The following CCDC91 variants were observed in gnomAD, a reference collection of about 807,000 sequenced individuals.
CCDC91 encodes the protein coiled-coil domain-containing protein 91.
Under a neutral mutation model 63.2 loss-of-function variants are expected in CCDC91, and 48 were observed. The ratio of observed to expected loss-of-function variants is 0.76; its 90% confidence interval spans 0.60 to 0.97. CCDC91 has a LOEUF of 0.97. Among genes scored for constraint, CCDC91 ranks in the 50% least tolerant of loss-of-function variants. CCDC91 has a pLI of 0.00. For missense variants in CCDC91, 500 were observed against 494.6 expected (o/e 1.01, Z -0.10); for synonymous variants, 167 against 165.8 (o/e 1.01, Z -0.06).
intron 8 of CCDC91, among the ~76,000 whole-genome samples, chr12:28,421,005 A>G (rs1039482734): frequency 1.3e-5 from 2 of 151,174 alleles, no homozygotes; most frequent in East Asian, 1.9e-4. Context: ...TTTTTTTGCA[A>G]TTTTTTCTCA....
chr12:28,524,673 T>C (rs67183751), intron 12 of CCDC91, among the ~76,000 whole-genome samples: 15,763 of 152,138 alleles, frequency 0.1, 2,135 homozygotes, highest in African/African-American at 0.32. Flanking sequence ...TCAATAGGAT[T>C]GGTAACAGTT....
chr12:28,317,061 C>T (rs1939966711), intron 6 of CCDC91, among the ~76,000 whole-genome samples: 5 of 151,938 alleles, frequency 3.3e-5, no homozygotes, highest in Admixed American at 2.6e-4. Context: ...TTTCTGTTAG[C>T]CATTTCAGAG....
chr12:28,431,910 C>T (rs1196120272), intron 8 of CCDC91, among the ~76,000 whole-genome samples: 1 of 151,978 alleles, frequency 6.6e-6, no homozygotes, highest in Non-Finnish European at 1.5e-5. Context: ...TCCCCTCAAT[C>T]CCTGACACTG....
chr12:28,436,355 A>G (rs1248166574), intron 8 of CCDC91, among the ~76,000 whole-genome samples: 2 of 151,804 alleles, frequency 1.3e-5, no homozygotes, highest in African/African-American at 4.8e-5. Flanking sequence ...ATGCCATTTC[A>G]CAGATAGTGT....
At chr12:28,290,506 C>T (rs992846212) in intron 3 of CCDC91, among the ~76,000 whole-genome samples, 1 of 152,174 alleles carries the variant, frequency 6.6e-6, no homozygotes, top group Non-Finnish European at 1.5e-5. Flanking sequence ...CATTTACATT[C>T]AAGCTTAGTA....
chr12:28,278,294 A>T (rs1360005468), intron 3 of CCDC91, among the ~76,000 whole-genome samples: 1 of 151,606 alleles, frequency 6.6e-6, no homozygotes, highest in Non-Finnish European at 1.5e-5. Context: ...TTCTTTACTT[A>T]TCTTCTCTCT....
At chr12:28,267,666 T>G (rs1947281345) in intron 3 of CCDC91, among the ~76,000 whole-genome samples, 1 of 26,056 alleles carries the variant, frequency 3.8e-5, no homozygotes, top group Non-Finnish European at 1.4e-4. Flanking sequence ...ATTAATATAT[T>G]AATTATATTA....
At chr12:28,229,853 G>C (rs546759807) in intron 1 of CCDC91, among the ~76,000 whole-genome samples, 2 of 152,182 alleles carry the variant, frequency 1.3e-5, no homozygotes, top group East Asian at 3.9e-4. Context: ...TTGGAGGAAG[G>C]GTTTTGGGTT....
At chr12:28,198,783 A>G (rs1941975970) in intron 1 of CCDC91, among the ~76,000 whole-genome samples, 1 of 151,932 alleles carries the variant, frequency 6.6e-6, no homozygotes, top group Non-Finnish European at 1.5e-5. Context: ...TTAAGGTAGT[A>G]TTTATGTCTG....
chr12:28,436,888 A>G (rs2140155129), intron 8 of CCDC91, among the ~76,000 whole-genome samples: 1 of 152,010 alleles, frequency 6.6e-6, no homozygotes, highest in Non-Finnish European at 1.5e-5. Flanking sequence ...TAAAATGCCC[A>G]TCGCCTTATT....
chr12:28,242,668 C>T (rs1381753096), intron 1 of CCDC91, among the ~76,000 whole-genome samples: 2 of 152,064 alleles, frequency 1.3e-5, no homozygotes, highest in Non-Finnish European at 2.9e-5. Context: ...AGTTTCCCTG[C>T]AGGGAATTCT....
At chr12:28,299,343 T>A (rs1291187650) in intron 3 of CCDC91, among the ~76,000 whole-genome samples, 1 of 151,534 alleles carries the variant, frequency 6.6e-6, no homozygotes, top group Non-Finnish European at 1.5e-5. Context: ...TTCTCCTCAG[T>A]ATTTATTTAG....
At chr12:28,406,647 T>C (rs968362443) in intron 8 of CCDC91, among the ~76,000 whole-genome samples, 1 of 152,178 alleles carries the variant, frequency 6.6e-6, no homozygotes, top group African/African-American at 2.4e-5. Context: ...CATCAATTTT[T>C]CTTCTGTGGT....
chr12:28,301,656 TTTTG>T (rs1938093749), intron 3 of CCDC91, among the ~76,000 whole-genome samples: 1 of 151,744 alleles, frequency 6.6e-6, no homozygotes, highest in African/African-American at 2.4e-5. Context: ...ATGTTTGAAT[TTTTG>T]GTAGAAATCC....
In CCDC91 at chr12:28,275,169, A is replaced by G. The variant is rs184930250; in HGVS notation, c.109+15727A>G. ...ACACAAAAAACCCTTCAAAAAATCA[A>G]TGAATCCAGGAGCTGGTTTTTTGAA... On this transcript the variant is annotated intron_variant, in intron 3 of 12. Transcript: ENST00000536442. Among the ~76,000 whole-genome samples the G allele has an allele frequency of 4.6e-3, 704 of 152,222 alleles. 8 individuals carry two copies. The highest frequency in any genetic ancestry group is 0.014 in the African/African-American group (590 of 41,540).
intron 12 of CCDC91, among the ~76,000 whole-genome samples, chr12:28,527,566 G>A (rs78853745): frequency 6.6e-6 from 1 of 152,116 alleles, no homozygotes; most frequent in African/African-American, 2.4e-5. Context: ...TGCTATTTTT[G>A]TGCTGGTTGA....
chr12:28,473,345 A>G (rs144781182), intron 11 of CCDC91, among the ~76,000 whole-genome samples: 1 of 152,304 alleles, frequency 6.6e-6, no homozygotes, highest in East Asian at 1.9e-4. Context: ...GTCAGCACAA[A>G]CAAAAGAAGT....
chr12:28,197,976 A>G (rs1300800927), intron 1 of CCDC91, among the ~76,000 whole-genome samples: 3 of 152,164 alleles, frequency 2.0e-5, no homozygotes, highest in Non-Finnish European at 4.4e-5. Context: ...ATGGAGATAA[A>G]AAATAATGTT....
chr12:28,543,500 T>TC (rs1942778262), intron 12 of CCDC91, among the ~76,000 whole-genome samples: 1 of 152,042 alleles, frequency 6.6e-6, no homozygotes, highest in African/African-American at 2.4e-5. Context: ...GAAGGGACTT[T>TC]ACTGGCCCAA....
Sources: allele counts gnomAD v4.1 joint callset (sites outside exome capture counted in the v4.1 genomes callset), GRCh38; gene constraint gnomAD v4.1.1; transcripts MANE v1.5; gene names NCBI Gene and HGNC (gene_info 2026-07-23, HGNC 2026-07-21).